Variants in TMEM150C observed in about 807,000 individuals in gnomAD.
TMEM150C encodes transmembrane protein 150C.
In TMEM150C, 10 loss-of-function variants were observed where a neutral mutation model predicts 29.9. That is an observed-to-expected ratio of 0.33 (90% confidence interval 0.21 to 0.57). The LOEUF (loss-of-function observed/expected upper bound fraction) is 0.57, where lower values mean the gene tolerates loss of function less well. TMEM150C is among the 20% of genes least tolerant of loss of function. The pLI, the probability that TMEM150C is intolerant of heterozygous loss-of-function variation, is 0.88. For synonymous variants in TMEM150C, 101 were observed against 112.5 expected (o/e 0.90, Z 0.64); for missense variants, 251 against 303.6 (o/e 0.83, Z 1.29).
intron 7 of TMEM150C, among the ~76,000 whole-genome samples, chr4:82,489,568 A>C (rs1723266431): frequency 1.3e-5 from 2 of 152,106 alleles, no homozygotes; most frequent in Non-Finnish European, 2.9e-5. Context: ...AAAACTACAC[A>C]TGCAGCCTTA....
At chr4:82,504,421 A>T (rs922993925) in intron 2 of TMEM150C, among the ~76,000 whole-genome samples, 157 bp downstream of exon 2, 18 of 152,090 alleles carry the variant, frequency 1.2e-4, no homozygotes, top group African/African-American at 4.3e-4. Flanking sequence ...CAAGGGTCTC[A>T]AACTCCTGAC....
At chr4:82,491,261 T>A in intron 6 of TMEM150C, 1 of 680,634 alleles carries the variant, frequency 1.5e-6, no homozygotes, top group African/African-American at 1.8e-5. Flanking sequence ...TGCAGGCAGC[T>A]TTCTTCTCAG....
chr4:82,498,314 A>C (rs557928389), intron 5 of TMEM150C, among the ~76,000 whole-genome samples: 1 of 149,442 alleles, frequency 6.7e-6, no homozygotes, highest in East Asian at 2.0e-4. Context: ...TAATATAGAC[A>C]GAGTCCCTCT....
At chr4:82,555,168 C>G (rs576336217) in intron 1 of TMEM150C, among the ~76,000 whole-genome samples, 2 of 152,266 alleles carry the variant, frequency 1.3e-5, no homozygotes, top group South Asian at 4.2e-4. Context: ...TTCAAGACTT[C>G]TTTTGTCATA....
intron 1 of TMEM150C, among the ~76,000 whole-genome samples, chr4:82,515,744 A>G (rs1361392513): frequency 6.6e-6 from 1 of 152,060 alleles, no homozygotes; most frequent in Non-Finnish European, 1.5e-5. Flanking sequence ...CTCAAAAAAA[A>G]AAAAAAAAGA....
At chr4:82,539,571 G>A (rs1316230111) in intron 1 of TMEM150C, among the ~76,000 whole-genome samples, 1 of 151,806 alleles carries the variant, frequency 6.6e-6, no homozygotes, top group Admixed American at 6.6e-5. Context: ...TCCTGCCTCC[G>A]ACTCCCGAGT....
intron 1 of TMEM150C, among the ~76,000 whole-genome samples, chr4:82,516,495 A>G (rs1160471626): frequency 1.3e-5 from 2 of 152,228 alleles, no homozygotes; most frequent in Non-Finnish European, 2.9e-5. Context: ...TTTCTCATCT[A>G]TAAAATGGGG....
At chr4:82,525,533 G>C (rs1724624882) in intron 1 of TMEM150C, among the ~76,000 whole-genome samples, 1 of 152,224 alleles carries the variant, frequency 6.6e-6, no homozygotes, top group Non-Finnish European at 1.5e-5. Context: ...AAGGGGGATA[G>C]AATAGCTCTT....
chr4:82,499,558 C>T (rs1253771062), intron 5 of TMEM150C, among the ~76,000 whole-genome samples: 1 of 151,904 alleles, frequency 6.6e-6, no homozygotes, highest in Non-Finnish European at 1.5e-5. Context: ...CCCATCTCTA[C>T]TAGAAATACA....
chr4:82,498,279 T>C (rs1723620805), intron 5 of TMEM150C, among the ~76,000 whole-genome samples: 1 of 151,814 alleles, frequency 6.6e-6, no homozygotes, highest in Non-Finnish European at 1.5e-5. Context: ...CCTCCCAAAG[T>C]GCTGGGATTA....
At chr4:82,490,272 C>T (rs1723294514) in intron 6 of TMEM150C, 34 bp from the exon 7 acceptor site, 3 of 1,596,222 alleles carry the variant, frequency 1.9e-6, no homozygotes, top group Non-Finnish European at 1.7e-6. Flanking sequence ...ACATGAAGGC[C>T]CATTCAGCAA....
intron 6 of TMEM150C, among the ~76,000 whole-genome samples, chr4:82,492,472 A>T (rs1012910352): frequency 6.6e-6 from 1 of 152,076 alleles, no homozygotes; most frequent in African/African-American, 2.4e-5. Flanking sequence ...ATTTTCCCAT[A>T]GTAATAAGAA....
chr4:82,538,935 G>C (rs111589140), intron 1 of TMEM150C, among the ~76,000 whole-genome samples: 6,903 of 151,982 alleles, frequency 0.045, 214 homozygotes, highest in Non-Finnish European at 0.068. Flanking sequence ...GTGTGGTGTC[G>C]CACACCTGTA....
chr4:82,528,372 T>C (rs1023417085), intron 1 of TMEM150C, among the ~76,000 whole-genome samples: 1 of 152,214 alleles, frequency 6.6e-6, no homozygotes, highest in African/African-American at 2.4e-5. Context: ...CCTGAGAATT[T>C]GTATTGCTAC....
At position 82,483,559 on chromosome 4, in the gene TMEM150C, C is replaced by G. The variant is rs1307570547; in HGVS notation, c.*1952G>C. On this transcript the variant is annotated 3_prime_UTR_variant, in exon 8 of 8. Coordinates refer to ENST00000449862, the MANE Select transcript of TMEM150C (RefSeq NM_001080506.3). ...TATTCATAACTTCTTCCATTCCTGTCTCACATGAAACAGCCATCTTCCATG... is the reference window on the plus strand; with the variant it reads ...TATTCATAACTTCTTCCATTCCTGTGTCACATGAAACAGCCATCTTCCATG... 1 of 152,152 alleles carries G rather than the reference C, an allele frequency of 6.6e-6. No individual in the cohort carries two copies. Among genetic ancestry groups the G allele is most frequent in the Non-Finnish European group, 1.5e-5 (1 of 68,030 alleles). 9.4% of individuals were successfully genotyped at this position (152,152 alleles called of 1,614,324 possible).
At chr4:82,491,911 C>T (rs980587801) in intron 6 of TMEM150C, among the ~76,000 whole-genome samples, 1 of 151,716 alleles carries the variant, frequency 6.6e-6, no homozygotes, top group Admixed American at 6.6e-5. Flanking sequence ...AAAACTGGCC[C>T]GTCTATGTAA....
intron 6 of TMEM150C, chr4:82,495,397 C>T (rs76797616): frequency 0.038 from 10,165 of 265,036 alleles, 496 homozygotes; most frequent in Admixed American, 0.15. Flanking sequence ...GCTGAGATCT[C>T]GCCACTGCGC....
intron 1 of TMEM150C, among the ~76,000 whole-genome samples, chr4:82,538,004 C>G (rs560072572): frequency 6.6e-6 from 1 of 152,186 alleles, no homozygotes; most frequent in African/African-American, 2.4e-5. Context: ...ACTAAGGAAA[C>G]AATCCAAGAT....
intron 1 of TMEM150C, among the ~76,000 whole-genome samples, chr4:82,532,527 T>C (rs1189330387): frequency 6.6e-6 from 1 of 152,140 alleles, no homozygotes; most frequent in African/African-American, 2.4e-5. Context: ...AATTAAAATA[T>C]CAAGTGTCTT....
Sources: gnomAD v4.1 joint callset for allele counts (sites outside exome capture counted in the v4.1 genomes callset) on GRCh38, gnomAD v4.1.1 for gene constraint, MANE v1.5 for transcripts, NCBI Gene and HGNC (gene_info 2026-07-23, HGNC 2026-07-21) for gene names.